Variants in KCNJ10 observed in about 807,000 individuals in gnomAD.
The protein encoded by KCNJ10 is potassium inwardly rectifying channel subfamily J member 10.
Under a neutral mutation model 22.2 loss-of-function variants are expected in KCNJ10, and 9 were observed. The ratio of observed to expected loss-of-function variants is 0.40; its 90% CI spans 0.24 to 0.71. The LOEUF (loss-of-function observed/expected upper bound fraction) is 0.71. Ranked by LOEUF, KCNJ10 falls within the 30% of genes least tolerant of loss-of-function variation. The pLI is 0.35. For synonymous variants in KCNJ10, 184 were observed against 187.3 expected, an observed-to-expected ratio of 0.98 and a Z score of 0.15; for missense variants, 337 against 482.7, an observed-to-expected ratio of 0.70 and a Z score of 2.83.
intron 1 of KCNJ10, among the ~76,000 whole-genome samples, chr1:160,058,854 T>C (rs1254267890): frequency 6.6e-6 from 1 of 152,192 alleles, no homozygotes; most frequent in African/African-American, 2.4e-5. Context: ...ATGGGGTCTC[T>C]TCCATGGAAC....
chr1:160,049,687 A>ATTTT (rs1557970385), intron 1 of KCNJ10, among the ~76,000 whole-genome samples: 1 of 104,112 alleles, frequency 9.6e-6, no homozygotes, highest in Non-Finnish European at 1.9e-5. Flanking sequence ...ATATATATAT[A>ATTTT]TATATATATA....
rs1266077218 is a variant in KCNJ10, at chr1:160,040,208, A to G, written c.*1185T>C. ...TGAGAATAGTGGCTGCCAGCCACAG[A>G]GTTCTGCTCCTGCCCAAACCTTAAC... On this transcript the variant is annotated 3_prime_UTR_variant, in exon 2 of 2. Coordinates refer to ENST00000644903, the MANE Select transcript of KCNJ10 (RefSeq NM_002241.5). 1 of 263,826 alleles carries G rather than the reference A, an allele frequency of 3.8e-6. No homozygotes were observed. Among genetic ancestry groups the G allele is most frequent in the Admixed American group, 5.4e-5 (1 of 18,558 alleles). The allele number at this position is 263,826 out of a possible 1,614,324, so 16.3% of individuals were successfully genotyped here. A position where few individuals can be genotyped will look rare whatever the true frequency, so the allele number is the denominator to read the frequency against.
rs886044169 is a variant in KCNJ10, at chr1:160,041,539, G to C, written c.994C>G (p.Gln332Glu). ...KYIADFSLFD[Q>E]VVKVASPSGL... ...CTAGGAGAGGCCACTTTCACAACTT[G>C]GTCAAAAAGGCTAAAGTCAGCTATG... The change falls in exon 2 of 2, where the codon CAA (glutamine) becomes GAA (glutamate). Residue 332 changes from glutamine (Q) to glutamate (E), a missense_variant. Coordinates refer to ENST00000644903, the MANE Select transcript of KCNJ10 (RefSeq NM_002241.5). The surrounding 1 kb of genome is among the most constrained non-coding windows in gnomAD (Gnocchi z 4.4). The C allele has an allele frequency of 6.2e-7, 1 of 1,614,102 alleles. No homozygotes were observed. Among genetic ancestry groups the C allele is most frequent in the Non-Finnish European group, 8.5e-7 (1 of 1,180,024 alleles).
At position 160,039,791 on chromosome 1, in the gene KCNJ10, T is replaced by C. The variant is rs1327526414; in HGVS notation, c.*1602A>G. The C allele has an allele frequency of 6.6e-6, 1 of 152,244 alleles. No individual in the cohort carries two copies. Among genetic ancestry groups the C allele is most frequent in the Non-Finnish European group, 1.5e-5 (1 of 68,060 alleles). The allele number at this position is 152,244 out of a possible 1,614,324, so 9.4% of individuals were successfully genotyped here. The stretch of plus-strand genomic sequence containing the variant: ...TTGTAACAATTGGCTGAGACCACCT[T>C]AAACTGCAACTTGACTTATAGTGGG... On this transcript the variant is annotated 3_prime_UTR_variant, in exon 2 of 2. Transcript: ENST00000644903.
rs184816558 is a variant in KCNJ10, at chr1:160,040,962, G to A, written c.*431C>T. 1 of 313,800 alleles carries A rather than the reference G, an allele frequency of 3.2e-6. No individual in the cohort carries two copies. Among genetic ancestry groups the A allele is most frequent in the East Asian group, 6.0e-5 (1 of 16,676 alleles). The allele number at this position is 313,800 out of a possible 1,614,324, so 19.4% of individuals were successfully genotyped here. On this transcript the variant is annotated 3_prime_UTR_variant, in exon 2 of 2. Coordinates refer to ENST00000644903, the MANE Select transcript of KCNJ10 (RefSeq NM_002241.5). ...CAGACCACAAAGTGACCATCAGAGAGAGTCTTGCCTTTGGGAACTTGCTAG... is the reference window on the plus strand; with the variant it reads ...CAGACCACAAAGTGACCATCAGAGAAAGTCTTGCCTTTGGGAACTTGCTAG...
rs1648610898 is a variant in KCNJ10 at position 160,041,708 on chromosome 1, A to G, written c.825T>C (p.Gly275=). The G allele has an allele frequency of 6.2e-7, 1 of 1,614,016 alleles. No homozygotes were observed. Among genetic ancestry groups the G allele is most frequent in the African/African-American group, 1.3e-5 (1 of 74,984 alleles). ...LKDLPLRSGE[G]DFELVLILSG... is the part of the protein sequence containing the mutation. Reference sequence around the variant, plus strand: ...TTAGGATCAGCACCAGCTCAAAGTCACCCTCACCACTGCGAAGAGGGAGAT... The same window carrying G: ...TTAGGATCAGCACCAGCTCAAAGTCGCCCTCACCACTGCGAAGAGGGAGAT... The change falls in exon 2 of 2, where the codon GGT becomes GGC. Residue 275 remains glycine, a synonymous_variant. Coordinates refer to ENST00000644903, the MANE Select transcript of KCNJ10 (RefSeq NM_002241.5). The surrounding 1 kb of genome is among the most constrained non-coding windows in gnomAD (Gnocchi z 4.4).
At chr1:160,050,338 G>T (rs1464310717) in intron 1 of KCNJ10, among the ~76,000 whole-genome samples, 3 of 147,602 alleles carry the variant, frequency 2.0e-5, no homozygotes, top group African/African-American at 5.0e-5. Flanking sequence ...CCACTATGTT[G>T]CCCAGGCTTG....
chr1:160,043,270 AAAACACAC>A (rs1451777352), intron 1 of KCNJ10, among the ~76,000 whole-genome samples: 441 of 24,080 alleles, frequency 0.018, 6 homozygotes, highest in African/African-American at 0.034. Flanking sequence ...AATCCCCCTT[AAAACACAC>A]ACACACACAC....
At chr1:160,049,658 T>C (rs1423914771) in intron 1 of KCNJ10, among the ~76,000 whole-genome samples, 1 of 127,878 alleles carries the variant, frequency 7.8e-6, no homozygotes, top group African/African-American at 2.9e-5. Context: ...GAAAGAAGGA[T>C]CCAGCATTTT....
chr1:160,052,928 T>A lies in KCNJ10; in HGVS notation c.1-10396A>T, dbSNP rs1339169904. 5.3e-5 allele frequency among the ~76,000 whole-genome samples: 8 copies of A among 152,348 alleles called. No individual in the cohort carries two copies. The East Asian group carries it at 5.8e-4, about 11-fold the overall frequency. ...TTGCTCAGATTTTGAGGGAAAATGT[T>A]GTTTTAATATTATGCCAACAATGTA... On this transcript the variant is annotated intron_variant, in intron 1 of 1. Coordinates refer to ENST00000644903, the MANE Select transcript of KCNJ10 (RefSeq NM_002241.5).
chr1:160,042,197 C>T lies in KCNJ10; in HGVS notation c.336G>A (p.Val112=), dbSNP rs781357184. 8.1e-6 allele frequency: 13 copies of T among 1,611,798 alleles called. No homozygotes were observed. The highest frequency in any genetic ancestry group is 1.0e-5 in the Non-Finnish European group (12 of 1,178,504). Residue 112 remains valine (V), a synonymous_variant, in exon 2 of 2, where the codon GTG becomes GTA. Transcript: ENST00000644903. ...PANHTPCVVQ[V]HTLTGAFLFS... ...AGAGGAAGGCTCCAGTGAGTGTGTG[C>T]ACCTGTACCACACAGGGGGTGTGGT...
chr1:160,059,597 T>C (rs1452288582), intron 1 of KCNJ10, among the ~76,000 whole-genome samples: 1 of 152,000 alleles, frequency 6.6e-6, no homozygotes, highest in African/African-American at 2.4e-5. Context: ...GGTCTCAGGG[T>C]CTCCCTCACC....
intron 1 of KCNJ10, among the ~76,000 whole-genome samples, chr1:160,068,576 C>T (rs1446885577): frequency 6.6e-6 from 1 of 152,186 alleles, no homozygotes; most frequent in East Asian, 1.9e-4. Context: ...CCTGGACCCT[C>T]TCCCTGGCAT....
In KCNJ10 at chr1:160,049,680, TATATATATATATATA is replaced by T. The variant is rs1648840664; in HGVS notation, c.1-7163_1-7149del. Among the ~76,000 whole-genome samples, 107 of 71,374 alleles carry T rather than the reference TATATATATATATATA, an allele frequency of 1.5e-3. 2 individuals carry two copies. The highest frequency in any genetic ancestry group is 3.4e-3 in the African/African-American group (59 of 17,554). 46.8% of individuals were successfully genotyped at this position (71,374 alleles called of 152,430 possible). A position where few individuals can be genotyped will look rare whatever the true frequency, so the allele number is the denominator to read the frequency against. ...GGATCCAGCATTTTATTTATTTATA[TATATATATATATATA>T]TATATATATATATATATATATATAT... On this transcript the variant is annotated intron_variant, in intron 1 of 1. Coordinates refer to ENST00000644903, the MANE Select transcript of KCNJ10 (RefSeq NM_002241.5).
At chr1:160,068,440 C>T (rs1193377793) in intron 1 of KCNJ10, among the ~76,000 whole-genome samples, 25 of 152,138 alleles carry the variant, frequency 1.6e-4, no homozygotes, top group Admixed American at 1.6e-3. Context: ...TGGACCAGCC[C>T]AGATCACCCC....
At position 160,042,268 on chromosome 1, in the gene KCNJ10, C is replaced by T; in HGVS notation, c.265G>A (p.Val89Ile). The change falls in exon 2 of 2, where the codon GTA becomes ATA. Residue 89 changes from valine to isoleucine, a missense_variant. Transcript: ENST00000644903. ...AGCAGGTCCCCATGTGCCACAGCTA[C>T]CAGATACCACACCACGCCAAAGAGG... The part of the protein sequence containing the change: ...WFLFGVVWYL[V>I]AVAHGDLLEL... 6.2e-7 allele frequency: 1 copy of T among 1,614,082 alleles called. No homozygotes were observed. The highest frequency in any genetic ancestry group is 1.7e-5 in the Admixed American group (1 of 60,022).
In KCNJ10 at chr1:160,040,135, C is replaced by T. The variant is rs139904051; in HGVS notation, c.*1258G>A. 5.7e-4 allele frequency: 101 copies of T among 177,154 alleles called. No individual in the cohort carries two copies. The highest frequency in any genetic ancestry group is 2.4e-3 in the Middle Eastern group (1 of 418). 11.0% of individuals were successfully genotyped at this position (177,154 alleles called of 1,614,324 possible). A position where few individuals can be genotyped will look rare whatever the true frequency, so the allele number is the denominator to read the frequency against. On this transcript the variant is annotated 3_prime_UTR_variant, in exon 2 of 2. Coordinates refer to ENST00000644903, the MANE Select transcript of KCNJ10 (RefSeq NM_002241.5). ...ATAATTTCATTTCCTTCCAGCATTG[C>T]CTAATGAAATAGCTGGCACTTTTCA...
At chr1:160,045,898 T>C (rs536872136) in intron 1 of KCNJ10, among the ~76,000 whole-genome samples, 8 of 152,218 alleles carry the variant, frequency 5.3e-5, no homozygotes, top group African/African-American at 1.7e-4. Flanking sequence ...AGGGAGTTCA[T>C]ACTGCAGGGA....
At chr1:160,064,682 T>C (rs1649275596) in intron 1 of KCNJ10, 1 of 152,228 alleles carries the variant, frequency 6.6e-6, no homozygotes, top group African/African-American at 2.4e-5. Context: ...TGCTCTAGAC[T>C]CTAATACACT....
Sources: gnomAD v4.1 joint callset for allele counts (sites outside exome capture counted in the v4.1 genomes callset) on GRCh38, gnomAD v4.1.1 for gene constraint, Gnocchi (gnomAD v3.1) non-coding constraint, MANE v1.5 for transcripts, NCBI Gene and HGNC (gene_info 2026-07-23, HGNC 2026-07-21) for gene names.